The following SLC44A2 variants were observed in gnomAD, a reference collection of about 807,000 sequenced individuals.
SLC44A2 encodes the protein choline transporter-like protein 2.
SLC44A2 carries 57 observed loss-of-function variants against 90.8 expected under a neutral mutation model. The observed-to-expected ratio is 0.63, with a 90% CI of 0.51 to 0.78. The LOEUF is 0.78. Ranked by LOEUF, SLC44A2 falls within the 30% of genes least tolerant of loss-of-function variation. The pLI is 0.00. For missense variants in SLC44A2, 794 were observed against 919.7 expected, an observed-to-expected ratio of 0.86 and a Z score of 1.77; for synonymous variants, 355 against 360.7, an observed-to-expected ratio of 0.98 and a Z score of 0.18.
At position 10,605,130 on chromosome 19, in the gene SLC44A2, C is replaced by T. The variant is rs536337190; in HGVS notation, c.31+2569C>T. Among the ~76,000 whole-genome samples the T allele has an allele frequency of 5.9e-5, 9 of 152,260 alleles. No individual in the cohort carries two copies. In the South Asian group the frequency reaches 1.7e-3, roughly 28 times the overall value. On this transcript the variant is annotated intron_variant, in intron 1 of 21. Transcript: ENST00000407327. ...AGGTATTGTGGCTGACACCTGTAAT[C>T]CCAGCACTTTAGGAGGCCAAGGCTG... is the stretch of plus-strand genomic sequence containing the variant.
chr19:10,625,385 G>C (rs1020561969), upstream of SLC44A2: 4 of 1,037,176 alleles, frequency 3.9e-6, no homozygotes, highest in Non-Finnish European at 4.9e-6. Flanking sequence ...GGTGGGGGCG[G>C]GGAAGGCTAA....
intron 20 of SLC44A2, among the ~76,000 whole-genome samples, chr19:10,642,020 C>T (rs995990122): frequency 6.6e-6 from 1 of 151,650 alleles, no homozygotes; most frequent in African/African-American, 2.4e-5. Flanking sequence ...ATGAGCCAGG[C>T]GTGGTGGCAC....
In SLC44A2 at chr19:10,605,844, A is replaced by C. The variant is rs1428474236; in HGVS notation, c.31+3283A>C. Among the ~76,000 whole-genome samples the C allele has an allele frequency of 4.6e-5, 7 of 151,636 alleles. No homozygotes were observed. In the East Asian group the frequency reaches 1.4e-3, roughly 30 times the overall value. ...CCCCGTCTCTATTAAAAATATAAAA[A>C]TTAGCCAAGCATGGTGGTGCACATC... On this transcript the variant is annotated intron_variant, in intron 1 of 21. Coordinates refer to the SLC44A2 transcript ENST00000407327.
At chr19:10,628,328 A>T (rs1442891775) in intron 4 of SLC44A2, among the ~76,000 whole-genome samples, 2 of 152,148 alleles carry the variant, frequency 1.3e-5, no homozygotes, top group Non-Finnish European at 2.9e-5. Flanking sequence ...AGAAGTTGCA[A>T]TGAGCCGAGA....
upstream of SLC44A2, among the ~76,000 whole-genome samples, chr19:10,624,170 G>C (rs1023713218): frequency 6.6e-6 from 1 of 150,574 alleles, no homozygotes; most frequent in African/African-American, 2.5e-5. Flanking sequence ...GCTAATTTTT[G>C]TATTTTTAGT....
chr19:10,636,983 C>A, intron 16 of SLC44A2: 5 of 499,886 alleles, frequency 1.0e-5, no homozygotes, highest in East Asian at 3.4e-5. Flanking sequence ...GGGACAGGCC[C>A]AAGAGGCCTG....
chr19:10,604,546 TCCTG>T (rs1461007149), intron 1 of SLC44A2, among the ~76,000 whole-genome samples: 2 of 152,218 alleles, frequency 1.3e-5, no homozygotes, highest in Non-Finnish European at 2.9e-5. Flanking sequence ...TATCCTACCC[TCCTG>T]CCCCAGTGGC....
chr19:10,626,947 T>G (rs1202469953), intron 2 of SLC44A2, among the ~76,000 whole-genome samples: 1 of 151,458 alleles, frequency 6.6e-6, no homozygotes, highest in Non-Finnish European at 1.5e-5. Context: ...GAGGTGGAGG[T>G]TGCAGTAAGC....
chr19:10,608,162 G>C (rs192276685), intron 1 of SLC44A2, among the ~76,000 whole-genome samples: 3 of 151,410 alleles, frequency 2.0e-5, no homozygotes, highest in African/African-American at 7.3e-5. Flanking sequence ...GGTGGAGGTT[G>C]TAGTGAGCCG....
rs141163062 is a variant in SLC44A2 at position 10,614,842 on chromosome 19, G to A, written c.32-11411G>A. Among the ~76,000 whole-genome samples, 1,393 of 151,436 alleles carry A rather than the reference G, an allele frequency of 9.2e-3. 25 individuals are homozygous for A. The highest frequency in any genetic ancestry group is 0.032 in the African/African-American group (1,326 of 41,288). On this transcript the variant is annotated intron_variant, in intron 1 of 21. Transcript: ENST00000407327. ...AAAAATTAGCCGGACATGGTGGTGC[G>A]TGCCTGTAATCCCAGGTACTTGGGA... is the stretch of plus-strand genomic sequence containing the variant.
chr19:10,622,955 T>TTGGGGGGAGAC (rs1218294145), upstream of SLC44A2, among the ~76,000 whole-genome samples: 4 of 152,062 alleles, frequency 2.6e-5, no homozygotes, highest in Admixed American at 6.6e-5. Context: ...CTCACGTGTG[T>TTGGGGGGAGAC]TGGGGGGAGA....
At chr19:10,610,631 CTTTTT>C (rs56002726) in intron 1 of SLC44A2, among the ~76,000 whole-genome samples, 115 of 47,994 alleles carry the variant, frequency 2.4e-3, no homozygotes, top group Non-Finnish European at 3.7e-3. Context: ...CCGCGCCTGG[CTTTTT>C]TTTTTTTTTT....
chr19:10,604,671 G>A (rs1343126652), intron 1 of SLC44A2, among the ~76,000 whole-genome samples: 1 of 152,110 alleles, frequency 6.6e-6, no homozygotes, highest in Non-Finnish European at 1.5e-5. Flanking sequence ...CCTCTCTGAA[G>A]CTCTGTGTCT....
chr19:10,638,817 G>A (rs1044778779), intron 20 of SLC44A2, among the ~76,000 whole-genome samples: 2 of 118,170 alleles, frequency 1.7e-5, no homozygotes, highest in Admixed American at 1.7e-4. Flanking sequence ...TTTTTTTTTT[G>A]AGATGGAGTT....
intron 10 of SLC44A2, among the ~76,000 whole-genome samples, chr19:10,632,366 G>A (rs548323949): frequency 2.8e-4 from 43 of 151,790 alleles, no homozygotes; most frequent in African/African-American, 8.7e-4. Flanking sequence ...GAGAAACCCC[G>A]TCTCTACTAA....
chr19:10,622,958 G>T (rs911717814), upstream of SLC44A2, among the ~76,000 whole-genome samples: 1 of 152,164 alleles, frequency 6.6e-6, no homozygotes, highest in Non-Finnish European at 1.5e-5. Flanking sequence ...ACGTGTGTTG[G>T]GGGGAGACAG....
At chr19:10,607,078 A>AT (rs1350987095) in intron 1 of SLC44A2, among the ~76,000 whole-genome samples, 1 of 150,792 alleles carries the variant, frequency 6.6e-6, no homozygotes, top group Admixed American at 6.7e-5. Flanking sequence ...CGCCTGGCTA[A>AT]TTTTTTTGTA....
In SLC44A2 at chr19:10,636,484, G is replaced by T; in HGVS notation, c.1395G>T (p.Gln465His). 6.2e-7 allele frequency: 1 copy of T among 1,613,340 alleles called. No individual in the cohort carries two copies. The change falls in exon 15 of 22, where the codon CAG (glutamine) becomes CAT (histidine). Residue 465 changes from glutamine to histidine, a missense_variant. Physicochemically the swap from Gln to His is conservative, Grantham distance 24. Transcript: ENST00000335757. ...CCAACTTCGTGCTGGCGCTGGGCCA[G>T]GTCACGCTGGCCGGGGCCTTTGCCT... ...WLANFVLALG[Q>H]VTLAGAFASY...
At chr19:10,614,522 C>T (rs1381397863) in intron 1 of SLC44A2, among the ~76,000 whole-genome samples, 1 of 152,102 alleles carries the variant, frequency 6.6e-6, no homozygotes, top group East Asian at 1.9e-4. Context: ...CATGAGTCAC[C>T]ATGCCCGGCC....
Sources: gnomAD v4.1 joint callset for allele counts (sites outside exome capture counted in the v4.1 genomes callset) on GRCh38, gnomAD v4.1.1 for gene constraint, MANE v1.5 for transcripts, NCBI Gene and HGNC (gene_info 2026-07-23, HGNC 2026-07-21) for gene names.